Variants in EGFR observed in about 807,000 individuals in gnomAD.
EGFR encodes the protein avian erythroblastic leukemia viral (v-erb-b) oncogene homolog.
A neutral mutation model predicts 143.0 loss-of-function variants in EGFR; 58 were observed. The observed-to-expected ratio is 0.41, with a 90% CI of 0.33 to 0.50. The LOEUF is 0.50. EGFR is among the 20% of genes least tolerant of loss of function. The pLI is 0.39. For missense variants in EGFR, 1,307 were observed against 1,579.0 expected (o/e 0.83, Z 2.92); for synonymous variants, 613 against 594.4 (o/e 1.03, Z -0.45).
At chr7:55,148,364 G>A (rs1259636985) in intron 4 of EGFR, among the ~76,000 whole-genome samples, 1 of 152,018 alleles carries the variant, frequency 6.6e-6, no homozygotes, top group Admixed American at 6.5e-5. Context: ...TCCATGTTCT[G>A]TACAACAACT....
At chr7:55,025,302 G>A (rs1339423063) in intron 1 of EGFR, among the ~76,000 whole-genome samples, 1 of 152,196 alleles carries the variant, frequency 6.6e-6, no homozygotes, top group Non-Finnish European at 1.5e-5. Flanking sequence ...CAGGAGCAAG[G>A]AAGATTCAGG....
At chr7:55,036,272 G>GTGT (rs1491495146) in intron 1 of EGFR, among the ~76,000 whole-genome samples, 406 of 18,400 alleles carry the variant, frequency 0.022, 11 homozygotes, top group South Asian at 0.042. Context: ...GTGTGTGTGT[G>GTGT]GGGGGGGGGG....
At position 55,172,821 on chromosome 7, in the gene EGFR, A is replaced by T; in HGVS notation, c.1920-162A>T. The T allele has an allele frequency of 1.9e-6, 3 of 1,550,326 alleles. No homozygotes were observed. The African/African-American group carries it at 4.1e-5, about 21-fold the overall frequency. On this transcript the variant is annotated intron_variant, in intron 16 of 27. Coordinates refer to ENST00000275493, the MANE Select transcript of EGFR (RefSeq NM_005228.5). Reference sequence around the variant, plus strand: ...TTGAGAAAGTTGGAAACGTTGCCTTAGAAGCCTGTTTTTTCTCCTTTTAGA... The same window carrying T: ...TTGAGAAAGTTGGAAACGTTGCCTTTGAAGCCTGTTTTTTCTCCTTTTAGA...
intron 1 of EGFR, among the ~76,000 whole-genome samples, chr7:55,111,746 C>T (rs1792505016): frequency 6.6e-6 from 1 of 152,110 alleles, no homozygotes; most frequent in Non-Finnish European, 1.5e-5. Flanking sequence ...AAAGACCTGT[C>T]CTTCTATGTC....
rs747143752 is a variant in EGFR at position 55,201,265 on chromosome 7, C to T, written c.3024C>T (p.Asp1008=). Residue 1008 remains aspartate (D), a synonymous_variant, in exon 25 of 28, where the codon GAC becomes GAT. Transcript: ENST00000275493. ...CCCTGATGGATGAAGAAGACATGGA[C>T]GACGTGGTGGATGCCGACGAGTACC... ...YRALMDEEDM[D]DVVDADEYLI... The T allele has an allele frequency of 4.3e-6, 7 of 1,614,162 alleles. No homozygotes were observed. The highest frequency in any genetic ancestry group is 1.7e-5 in the Admixed American group (1 of 60,028).
At chr7:55,096,338 C>T (rs1414402854) in intron 1 of EGFR, among the ~76,000 whole-genome samples, 4 of 152,200 alleles carry the variant, frequency 2.6e-5, no homozygotes, top group African/African-American at 9.7e-5. Flanking sequence ...TTAAGAATTC[C>T]GTGATGTGTA....
At chr7:55,093,986 G>A (rs925776264) in intron 1 of EGFR, among the ~76,000 whole-genome samples, 3 of 152,182 alleles carry the variant, frequency 2.0e-5, no homozygotes, top group African/African-American at 7.2e-5. Flanking sequence ...AGCTGCAGGC[G>A]AGATGGGAAG....
At chr7:55,021,454 T>A (rs192305092) in intron 1 of EGFR, among the ~76,000 whole-genome samples, 2 of 152,244 alleles carry the variant, frequency 1.3e-5, no homozygotes, top group Non-Finnish European at 2.9e-5. Flanking sequence ...AGTTGGAGAT[T>A]TGTTCCTGAG....
At chr7:55,140,755 C>A (rs1410640761) in intron 1 of EGFR, among the ~76,000 whole-genome samples, 2 of 152,298 alleles carry the variant, frequency 1.3e-5, no homozygotes, top group African/African-American at 4.8e-5. Context: ...GGGACTCCAT[C>A]TTGTCAACTG....
At chr7:55,046,911 A>G (rs1422518797) in intron 1 of EGFR, among the ~76,000 whole-genome samples, 1 of 152,198 alleles carries the variant, frequency 6.6e-6, no homozygotes, top group Non-Finnish European at 1.5e-5. Flanking sequence ...CATCTAATTA[A>G]TAGTACAGTT....
intron 1 of EGFR, among the ~76,000 whole-genome samples, chr7:55,075,246 A>C (rs1463176525): frequency 6.6e-6 from 1 of 152,066 alleles, no homozygotes; most frequent in Non-Finnish European, 1.5e-5. Context: ...GATACTACCT[A>C]GGACAGTTTG....
chr7:55,147,225 T>C (rs1376417969), intron 4 of EGFR, among the ~76,000 whole-genome samples: 1 of 152,176 alleles, frequency 6.6e-6, no homozygotes, highest in Non-Finnish European at 1.5e-5. Context: ...TGTCCATGTT[T>C]CCTTGAATAC....
intron 1 of EGFR, among the ~76,000 whole-genome samples, chr7:55,051,060 A>G (rs189095512): frequency 5.3e-5 from 8 of 152,294 alleles, no homozygotes; most frequent in Admixed American, 5.2e-4. Context: ...CCTGGTCGGC[A>G]CCATGCTAGA....
chr7:55,142,485 A>T (rs1288118963), intron 2 of EGFR, 48 bp downstream of exon 2: 1 of 1,607,378 alleles, frequency 6.2e-7, no homozygotes, highest in Non-Finnish European at 8.5e-7. Flanking sequence ...AGAAAATCTA[A>T]GTGGAGAAAG....
rs1285679879 is a variant in EGFR at position 55,211,618 on chromosome 7, T to C, written c.*6001T>C. The C allele has an allele frequency of 6.6e-6, 1 of 152,230 alleles. No homozygotes were observed. Among genetic ancestry groups the C allele is most frequent in the East Asian group, 1.9e-4 (1 of 5,204 alleles). The allele number at this position is 152,230 out of a possible 1,614,324, so 9.4% of individuals were successfully genotyped here. ...ACCTTATAATAATAATAATGTATTC[T>C]TTGTTAACAATGCCATGTTGGTACT... is the stretch of plus-strand genomic sequence containing the variant. On this transcript the variant is annotated 3_prime_UTR_variant, in exon 28 of 28. Coordinates refer to ENST00000275493, the MANE Select transcript of EGFR (RefSeq NM_005228.5).
Position 55,205,455 on chromosome 7 carries a change from G to T in EGFR, c.3471G>T (p.Trp1157Cys), listed in dbSNP as rs761608448. ...VNSTFDSPAH[W>C]AQKGSHQISL... ...GCACATTCGACAGCCCTGCCCACTGGGCCCAGAAAGGCAGCCACCAAATTA... is the reference window on the plus strand; with the variant it reads ...GCACATTCGACAGCCCTGCCCACTGTGCCCAGAAAGGCAGCCACCAAATTA... Residue 1157 changes from tryptophan (W) to cysteine (C), a missense_variant, in exon 28 of 28, where the codon TGG (tryptophan) becomes TGT (cysteine). Physicochemically the swap from Trp to Cys is radical, Grantham distance 215. This residue lies in a region of EGFR where 313 missense variants were observed against 312.3 expected (regional missense o/e 1.00). Transcript: ENST00000275493. 6.2e-7 allele frequency: 1 copy of T among 1,614,066 alleles called. No homozygotes were observed. Among genetic ancestry groups the T allele is most frequent in the Non-Finnish European group, 8.5e-7 (1 of 1,180,034 alleles).
intron 1 of EGFR, among the ~76,000 whole-genome samples, chr7:55,036,278 G>T (rs1249543704): frequency 5.3e-5 from 5 of 94,912 alleles, no homozygotes; most frequent in African/African-American, 1.5e-4. Flanking sequence ...GTGTGGGGGG[G>T]GGGGGGTGGG....
intron 4 of EGFR, among the ~76,000 whole-genome samples, chr7:55,147,719 C>T (rs1794841509): frequency 6.6e-6 from 1 of 152,036 alleles, no homozygotes; most frequent in African/African-American, 2.4e-5. Flanking sequence ...ACCGTCCACA[C>T]ACAGAACTCT....
At chr7:55,147,554 C>G (rs1050220649) in intron 4 of EGFR, among the ~76,000 whole-genome samples, 2 of 150,086 alleles carry the variant, frequency 1.3e-5, no homozygotes, top group Non-Finnish European at 3.0e-5. Context: ...TCAAAATCAT[C>G]AACTACAGGG....
Sources: gnomAD v4.1 joint callset for allele counts (sites outside exome capture counted in the v4.1 genomes callset) on GRCh38, gnomAD v4.1.1 for gene constraint, gnomAD v4.1.1 regional missense constraint, MANE v1.5 for transcripts, NCBI Gene and HGNC (gene_info 2026-07-23, HGNC 2026-07-21) for gene names.